Variants in SLC36A1 observed in about 807,000 individuals in gnomAD.
The protein encoded by SLC36A1 is solute carrier family 36 member 1, also known as proton-coupled amino acid transporter 1.
SLC36A1 carries 30 observed loss-of-function variants against 47.5 expected under a neutral mutation model. The ratio of observed to expected loss-of-function variants is 0.63; its 90% CI spans 0.47 to 0.86. The LOEUF (loss-of-function observed/expected upper bound fraction) is 0.86. SLC36A1 is among the 40% of genes least tolerant of loss of function. The pLI, the probability that SLC36A1 is intolerant of heterozygous loss-of-function variation, is 0.00. For synonymous variants in SLC36A1, 255 were observed against 249.7 expected (o/e 1.02, Z -0.20); for missense variants, 517 against 606.0 (o/e 0.85, Z 1.54).
chr5:151,525,880 C>G, the SLC36A1 span: 4 of 1,614,120 alleles, frequency 2.5e-6, no homozygotes, highest in Non-Finnish European at 2.5e-6. Flanking sequence ...CTTGGTGATT[C>G]GAAACGAGTA....
the SLC36A1 span, among the ~76,000 whole-genome samples, chr5:151,536,566 T>C: frequency 6.6e-6 from 1 of 152,050 alleles, no homozygotes; most frequent in East Asian, 1.9e-4. Flanking sequence ...CCAAAGGAAG[T>C]CCACTCCACC....
chr5:151,496,640 C>T (rs563198137), downstream of SLC36A1, among the ~76,000 whole-genome samples: 12 of 152,178 alleles, frequency 7.9e-5, no homozygotes, highest in Non-Finnish European at 1.6e-4. Context: ...ACTGCAACCC[C>T]TGCCTCCTGG....
chr5:151,434,176 CAA>C (rs773151503), upstream of SLC36A1, among the ~76,000 whole-genome samples: 38 of 152,028 alleles, frequency 2.5e-4, no homozygotes, highest in Non-Finnish European at 4.3e-4. Flanking sequence ...AACAGCAAAA[CAA>C]GAGAAAATTT....
chr5:151,472,438 A>G (rs1167634609), intron 7 of SLC36A1, among the ~76,000 whole-genome samples: 1 of 152,208 alleles, frequency 6.6e-6, no homozygotes, highest in African/African-American at 2.4e-5. Flanking sequence ...TCACAAACAC[A>G]CGCAGGAACA....
chr5:151,456,033 C>G (rs948332015), intron 1 of SLC36A1, among the ~76,000 whole-genome samples: 1 of 152,112 alleles, frequency 6.6e-6, no homozygotes, highest in Non-Finnish European at 1.5e-5. Flanking sequence ...CATGACTGCT[C>G]TCACATTTTA....
chr5:151,458,334 GGGATATT>G (rs1561738138), intron 1 of SLC36A1, among the ~76,000 whole-genome samples: 15 of 100,780 alleles, frequency 1.5e-4, no homozygotes, highest in South Asian at 5.5e-4. Context: ...ATATATATAT[GGGATATT>G]TATATATATA....
chr5:151,543,040 T>C, the SLC36A1 span: 37 of 1,614,204 alleles, frequency 2.3e-5, no homozygotes, highest in Non-Finnish European at 3.1e-5. Flanking sequence ...AGAGAAAGTA[T>C]ACAAAGGTTC....
chr5:151,391,436 A>G, the SLC36A1 span, among the ~76,000 whole-genome samples: 2 of 152,152 alleles, frequency 1.3e-5, no homozygotes, highest in African/African-American at 2.4e-5. Flanking sequence ...TTCCAACACT[A>G]TGTTGAATAG....
the SLC36A1 span, among the ~76,000 whole-genome samples, chr5:151,499,033 T>C: frequency 6.6e-6 from 1 of 152,226 alleles, no homozygotes; most frequent in East Asian, 1.9e-4. Context: ...ATTACGTATC[T>C]GAAATCTTTG....
chr5:151,365,233 G>C, the SLC36A1 span, among the ~76,000 whole-genome samples: 3 of 152,194 alleles, frequency 2.0e-5, no homozygotes. Context: ...GCTAGAAGTA[G>C]TCCTGGAACT....
At chr5:151,512,827 G>C in the SLC36A1 span, 1 of 571,490 alleles carries the variant, frequency 1.7e-6, no homozygotes, top group Non-Finnish European at 3.1e-6. This position sits in a 1 kb window ranked among gnomAD's most constrained non-coding sequence, Gnocchi z 4.1. Context: ...GTCTGGGTAG[G>C]GGGTGACATC....
intron 8 of SLC36A1, 27 bp downstream of exon 8, chr5:151,473,798 A>C: frequency 1.9e-6 from 3 of 1,541,746 alleles, no homozygotes; most frequent in Non-Finnish European, 2.7e-6. Context: ...GATTTGGGCT[A>C]GTGTTCTCTG....
At chr5:151,366,950 T>C in the SLC36A1 span, among the ~76,000 whole-genome samples, 1 of 151,980 alleles carries the variant, frequency 6.6e-6, no homozygotes, top group Non-Finnish European at 1.5e-5. Context: ...GGAGGGGGTG[T>C]AAGAACAAGG....
At chr5:151,434,540 CA>C (rs1009156052), upstream of SLC36A1, among the ~76,000 whole-genome samples, 1 of 151,548 alleles carries the variant, frequency 6.6e-6, no homozygotes, top group African/African-American at 2.4e-5. Flanking sequence ...CCACAGAGAC[CA>C]AGGGATGAAA....
chr5:151,385,009 A>AGTGTGTGTGTGTGTGTGT, the SLC36A1 span, among the ~76,000 whole-genome samples: 9 of 128,462 alleles, frequency 7.0e-5, no homozygotes, highest in African/African-American at 2.2e-4. Flanking sequence ...AGAGAGAGAG[A>AGTGTGTGTGTGTGTGTGT]GTGTGTGTGT....
At chr5:151,353,741 C>A in the SLC36A1 span, among the ~76,000 whole-genome samples, 2 of 152,186 alleles carry the variant, frequency 1.3e-5, no homozygotes, top group South Asian at 4.1e-4. Flanking sequence ...TTTCTAACTC[C>A]TGGCAACTAC....
chr5:151,397,529 G>A, the SLC36A1 span, among the ~76,000 whole-genome samples: 49 of 152,200 alleles, frequency 3.2e-4, no homozygotes, highest in African/African-American at 1.1e-3. Flanking sequence ...GCTCATGCCT[G>A]TAATCCCAGC....
At chr5:151,459,873 C>T (rs146059368) in intron 2 of SLC36A1, 1 of 152,360 alleles carries the variant, frequency 6.6e-6, no homozygotes, top group Non-Finnish European at 1.5e-5. Flanking sequence ...TGGTACAGGG[C>T]ATTTTCTCTT....
the SLC36A1 span, chr5:151,414,649 G>A: frequency 2.6e-5 from 4 of 152,048 alleles, no homozygotes; most frequent in African/African-American, 4.8e-5. Flanking sequence ...GGGCTATCTC[G>A]TGCCATCTTG....
Sources: gnomAD v4.1 joint callset for allele counts (sites outside exome capture counted in the v4.1 genomes callset) on GRCh38, gnomAD v4.1.1 for gene constraint, Gnocchi (gnomAD v3.1) non-coding constraint, MANE v1.5 for transcripts, NCBI Gene and HGNC (gene_info 2026-07-23, HGNC 2026-07-21) for gene names.